The following ADAMTSL3 variants were observed in gnomAD, a reference collection of about 807,000 sequenced individuals.
ADAMTSL3 encodes ADAMTS like 3.
Under a neutral mutation model 201.7 loss-of-function variants are expected in ADAMTSL3, and 128 were observed. That is an observed-to-expected ratio of 0.63 (90% confidence interval 0.55 to 0.73). The LOEUF (loss-of-function observed/expected upper bound fraction) is 0.73, where lower values mean the gene tolerates loss of function less well. Ranked by LOEUF, ADAMTSL3 falls within the 30% of genes least tolerant of loss-of-function variation. ADAMTSL3 has a pLI of 0.00. For missense variants in ADAMTSL3, 1,990 were observed against 2,119.6 expected (o/e 0.94, Z 1.20); for synonymous variants, 738 against 748.4 (o/e 0.99, Z 0.23).
At chr15:83,917,752 G>A (rs1359365494) in intron 16 of ADAMTSL3, among the ~76,000 whole-genome samples, 2 of 152,032 alleles carry the variant, frequency 1.3e-5, no homozygotes, top group African/African-American at 4.8e-5. Flanking sequence ...CCCCAGCTCT[G>A]CAACTCTCTT....
rs554556172 is a variant in ADAMTSL3, at chr15:83,663,970, GCTC to G, written c.69+8144_69+8146del. 4.4e-3 allele frequency among the ~76,000 whole-genome samples: 661 copies of G among 151,880 alleles called. 10 individuals carry two copies. Among genetic ancestry groups the G allele is most frequent in the Non-Finnish European group, 4.0e-3 (270 of 67,994 alleles). On this transcript the variant is annotated intron_variant, in intron 2 of 29. Coordinates refer to ENST00000286744, the MANE Select transcript of ADAMTSL3 (RefSeq NM_207517.3). Reference sequence around the variant, plus strand: ...GGCTCCTCTCTGGCTTTTAAAAAATGCTCCTCAATTCCAGAGCTCTGCCTTTGC... The same window carrying G: ...GGCTCCTCTCTGGCTTTTAAAAAATGCTCAATTCCAGAGCTCTGCCTTTGC...
intron 3 of ADAMTSL3, among the ~76,000 whole-genome samples, chr15:83,738,947 G>GAAAA (rs768448524): frequency 3.5e-5 from 4 of 112,746 alleles, no homozygotes; most frequent in African/African-American, 1.6e-4. Context: ...CAGTCCACAA[G>GAAAA]AAAAAAAATA....
intron 4 of ADAMTSL3, among the ~76,000 whole-genome samples, chr15:83,792,281 A>G (rs1359878996): frequency 1.3e-5 from 2 of 152,352 alleles, no homozygotes; most frequent in East Asian, 3.9e-4. Context: ...CAAAAGATAT[A>G]TGAACAAATG....
rs1185834376 is a variant in ADAMTSL3, at chr15:84,039,539, CTT to C, written c.*1735_*1736del. ...AAAGAAAGATCATTTGTAACATACT[CTT>C]TGTATATATTTATTATATGAAAGGT... is the stretch of plus-strand genomic sequence containing the variant. On this transcript the variant is annotated 3_prime_UTR_variant, in exon 30 of 30. Transcript: ENST00000286744. 6.6e-6 allele frequency: 1 copy of C among 152,358 alleles called. No individual in the cohort carries two copies. The highest frequency in any genetic ancestry group is 1.5e-5 in the Non-Finnish European group (1 of 67,988). 9.4% of individuals were successfully genotyped at this position (152,358 alleles called of 1,614,324 possible). A position where few individuals can be genotyped will look rare whatever the true frequency, so the allele number is the denominator to read the frequency against.
chr15:83,672,552 C>T (rs897338225), intron 2 of ADAMTSL3, among the ~76,000 whole-genome samples: 3 of 152,136 alleles, frequency 2.0e-5, no homozygotes, highest in Non-Finnish European at 4.4e-5. Flanking sequence ...GACATGCCTG[C>T]CCTTCTGGAG....
intron 6 of ADAMTSL3, among the ~76,000 whole-genome samples, chr15:83,822,043 A>G (rs1445327714): frequency 5.3e-5 from 7 of 132,114 alleles, no homozygotes; most frequent in Non-Finnish European, 8.1e-5. Context: ...CTGGCCGGGC[A>G]GAGGGGCTCC....
At chr15:83,667,526 T>G (rs1377262013) in intron 2 of ADAMTSL3, among the ~76,000 whole-genome samples, 2 of 151,016 alleles carry the variant, frequency 1.3e-5, no homozygotes, top group Non-Finnish European at 1.5e-5. Flanking sequence ...GGTTTTTTTT[T>G]TTTTTTTTTT....
At chr15:83,661,093 G>C (rs1375403149) in intron 2 of ADAMTSL3, among the ~76,000 whole-genome samples, 1 of 147,204 alleles carries the variant, frequency 6.8e-6, no homozygotes, top group Non-Finnish European at 1.5e-5. Context: ...GATAGTTGTA[G>C]ATATGTGGCG....
At chr15:83,718,498 G>T (rs1162686809) in intron 3 of ADAMTSL3, among the ~76,000 whole-genome samples, 1 of 152,052 alleles carries the variant, frequency 6.6e-6, no homozygotes, top group Non-Finnish European at 1.5e-5. Flanking sequence ...GAGGTCAGGA[G>T]TTTGAGACCA....
chr15:83,881,002 G>T (rs111271577), intron 9 of ADAMTSL3, among the ~76,000 whole-genome samples: 2 of 152,062 alleles, frequency 1.3e-5, no homozygotes, highest in Non-Finnish European at 2.9e-5. Context: ...TGGAAGAAAG[G>T]TTGTGGATAT....
At chr15:83,982,240 A>C in intron 20 of ADAMTSL3, 33 bp from the exon 21 acceptor site, 2 of 1,519,854 alleles carry the variant, frequency 1.3e-6, no homozygotes, top group Non-Finnish European at 1.8e-6. Context: ...GTTTATTCGT[A>C]TTTTCTTTTC....
rs911553067 is a variant in ADAMTSL3, at chr15:83,679,571, A to G, written c.69+23741A>G. On this transcript the variant is annotated intron_variant, in intron 2 of 29. Transcript: ENST00000286744. Reference sequence around the variant, plus strand: ...AGAGTTTAATTTTTAGTGCCCTGCAATGCTACTCTGATCTGCTTCATTCAC... The same window carrying G: ...AGAGTTTAATTTTTAGTGCCCTGCAGTGCTACTCTGATCTGCTTCATTCAC... Among the ~76,000 whole-genome samples the G allele has an allele frequency of 8.5e-5, 13 of 152,234 alleles. No homozygotes were observed. In the Middle Eastern group the frequency reaches 0.014, roughly 159 times the overall value.
chr15:83,954,045 C>G (rs1169140683), intron 19 of ADAMTSL3, among the ~76,000 whole-genome samples: 2 of 152,114 alleles, frequency 1.3e-5, no homozygotes, highest in Admixed American at 1.3e-4. Flanking sequence ...TATTATATAA[C>G]CTTCTTGCAC....
chr15:83,822,451 A>T, intron 6 of ADAMTSL3, among the ~76,000 whole-genome samples: 1 of 101,140 alleles, frequency 9.9e-6, no homozygotes, highest in African/African-American at 4.7e-5. Context: ...GGCGGTTGCC[A>T]GGCGGAGGGT....
intron 9 of ADAMTSL3, among the ~76,000 whole-genome samples, chr15:83,871,594 T>G (rs1373109027): frequency 1.3e-5 from 2 of 152,180 alleles, no homozygotes; most frequent in African/African-American, 4.8e-5. Flanking sequence ...CTTCCCCAGA[T>G]GTTCTATGAC....
chr15:83,705,253 A>G (rs73454613), intron 3 of ADAMTSL3, among the ~76,000 whole-genome samples: 9 of 152,288 alleles, frequency 5.9e-5, no homozygotes, highest in African/African-American at 1.9e-4. Flanking sequence ...AAGATGATGT[A>G]GGGCCTGGGT....
intron 6 of ADAMTSL3, among the ~76,000 whole-genome samples, chr15:83,827,447 C>G (rs2064049312): frequency 6.6e-6 from 1 of 152,054 alleles, no homozygotes; most frequent in Non-Finnish European, 1.5e-5. Context: ...AAAATTTTCT[C>G]CCATTCTATA....
At chr15:83,977,169 G>T (rs2067303240) in intron 20 of ADAMTSL3, among the ~76,000 whole-genome samples, 2 of 152,174 alleles carry the variant, frequency 1.3e-5, no homozygotes, top group African/African-American at 2.4e-5. Context: ...GCATGCGAGG[G>T]ATCTAGGTTG....
chr15:83,812,618 A>G (rs1306815764), intron 5 of ADAMTSL3, among the ~76,000 whole-genome samples: 10 of 152,178 alleles, frequency 6.6e-5, no homozygotes. Context: ...TGTTTCTGTT[A>G]GTGAGCCTTG....
Sources: gnomAD v4.1 joint callset for allele counts (sites outside exome capture counted in the v4.1 genomes callset) on GRCh38, gnomAD v4.1.1 for gene constraint, MANE v1.5 for transcripts, NCBI Gene and HGNC (gene_info 2026-07-23, HGNC 2026-07-21) for gene names.